The following GYPB variants were observed in gnomAD, a reference collection of about 807,000 sequenced individuals.
The protein encoded by GYPB is glycophorin-B.
Under a neutral mutation model 15.3 loss-of-function variants are expected in GYPB, and 13 were observed. The observed-to-expected ratio is 0.85, with a 90% CI of 0.55 to 1.35. The LOEUF (loss-of-function observed/expected upper bound fraction) is 1.35. GYPB is among the 40% of genes most tolerant of loss of function. GYPB has a pLI of 0.00. For missense variants in GYPB, 131 were observed against 108.3 expected (o/e 1.21, Z -0.93); for synonymous variants, 38 against 36.9 (o/e 1.03, Z -0.11).
At chr4:144,016,473 A>C in intron 1 of GYPB, among the ~76,000 whole-genome samples, 1 of 140,324 alleles carries the variant, frequency 7.1e-6, no homozygotes, top group African/African-American at 2.8e-5. Context: ...CCCTCCCTTC[A>C]CCTCCTTCCT....
In GYPB at chr4:144,019,280, C is replaced by G; in HGVS notation, c.8G>C (p.Gly3Ala). ...CAATAGTAATACAAAGATTATTTTT[C>G]CATACATCCTGAGATCATGAGCTGG... Reference protein sequence around the residue: MYGKIIFVLLLSE... With the variant: MYAKIIFVLLLSE... Residue 3 changes from glycine to alanine, a missense_variant, in exon 1 of 5, where the codon GGA (glycine) becomes GCA (alanine). By Grantham distance (60) the Gly-to-Ala change is moderately conservative. Transcript: ENST00000502664. 6.2e-7 allele frequency: 1 copy of G among 1,611,512 alleles called. No homozygotes were observed.
intron 1 of GYPB, among the ~76,000 whole-genome samples, chr4:144,007,328 C>G: frequency 6.6e-6 from 1 of 151,936 alleles, no homozygotes; most frequent in Non-Finnish European, 1.5e-5. Context: ...GAGCCAGTTT[C>G]TGCTCATCTT....
chr4:144,018,562 G>A (rs1432782180), intron 1 of GYPB, among the ~76,000 whole-genome samples: 1 of 150,898 alleles, frequency 6.6e-6, no homozygotes, highest in Non-Finnish European at 1.5e-5. Flanking sequence ...CTCAGAAAGA[G>A]GCCAAAATCA....
intron 1 of GYPB, among the ~76,000 whole-genome samples, chr4:144,007,237 T>A (rs1357358228): frequency 6.6e-6 from 1 of 151,380 alleles, no homozygotes; most frequent in Non-Finnish European, 1.5e-5. Context: ...TACTTTTTAT[T>A]TGAACTCTTC....
At chr4:144,015,768 G>T (rs867020387) in intron 1 of GYPB, among the ~76,000 whole-genome samples, 5 of 151,242 alleles carry the variant, frequency 3.3e-5, no homozygotes, top group Non-Finnish European at 5.9e-5. Context: ...TTACAGGTTT[G>T]GCAGCTAGTC....
intron 3 of GYPB, among the ~76,000 whole-genome samples, chr4:143,998,516 C>T (rs1023468224): frequency 1.4e-5 from 2 of 147,924 alleles, no homozygotes; most frequent in African/African-American, 2.6e-5. Context: ...CTATGATGTG[C>T]TTTTTACCCT....
chr4:144,002,716 G>A (rs953813896), intron 1 of GYPB: 2 of 1,284,626 alleles, frequency 1.6e-6, no homozygotes, highest in Non-Finnish European at 2.0e-6. Flanking sequence ...ACAAATAACA[G>A]AAAACATCTT....
At chr4:144,012,403 C>A (rs1728259995) in intron 1 of GYPB, 1 of 151,452 alleles carries the variant, frequency 6.6e-6, no homozygotes, top group Non-Finnish European at 1.5e-5. Flanking sequence ...ATGGATTAGT[C>A]TCTACCTTAT....
chr4:144,010,962 G>A (rs561821373), intron 1 of GYPB, among the ~76,000 whole-genome samples: 6 of 151,422 alleles, frequency 4.0e-5, no homozygotes, highest in African/African-American at 1.5e-4. Flanking sequence ...CAGAAACAAG[G>A]AATCATATAA....
At chr4:144,009,345 A>G (rs1560711997) in intron 1 of GYPB, among the ~76,000 whole-genome samples, 1 of 151,210 alleles carries the variant, frequency 6.6e-6, no homozygotes, top group African/African-American at 2.5e-5. Flanking sequence ...CCTTAGCACA[A>G]GTATTAGTAA....
intron 1 of GYPB, among the ~76,000 whole-genome samples, chr4:144,010,469 TA>T (rs1181885842): frequency 6.6e-6 from 1 of 150,746 alleles, no homozygotes; most frequent in East Asian, 1.9e-4. Flanking sequence ...ATCTTGTCTC[TA>T]AAAAAAATTA....
chr4:143,996,875 G>A (rs1248006648), intron 4 of GYPB, among the ~76,000 whole-genome samples: 2 of 79,508 alleles, frequency 2.5e-5, no homozygotes, highest in Admixed American at 2.3e-4. Flanking sequence ...TGAGAATTAA[G>A]AAAGGCAAAA....
intron 1 of GYPB, among the ~76,000 whole-genome samples, chr4:144,002,957 C>T (rs1806700): frequency 0.97 from 146,604 of 151,020 alleles, 71,572 homozygotes; most frequent in East Asian, 1. Context: ...ATGAATTCTC[C>T]AAATAGCATG....
intron 1 of GYPB, among the ~76,000 whole-genome samples, chr4:144,003,871 G>C (rs1157869172): frequency 2.7e-5 from 4 of 150,878 alleles, no homozygotes; most frequent in East Asian, 2.0e-4. Flanking sequence ...TGTGTCCTAA[G>C]TTAGACCATA....
chr4:144,000,016 A>T (rs1047613209), intron 2 of GYPB: 8 of 186,676 alleles, frequency 4.3e-5, no homozygotes, highest in African/African-American at 1.9e-4. Flanking sequence ...CTTCCCTCTC[A>T]GTCCACATCC....
intron 3 of GYPB, 41 bp downstream of exon 3, chr4:143,999,370 A>G: frequency 8.7e-7 from 1 of 1,153,806 alleles, no homozygotes; most frequent in Non-Finnish European, 1.3e-6. Context: ...TGGATAGTTT[A>G]AAATGGAATG....
chr4:144,013,173 C>T (rs1408356117), intron 1 of GYPB, among the ~76,000 whole-genome samples: 1 of 151,280 alleles, frequency 6.6e-6, no homozygotes, highest in Non-Finnish European at 1.5e-5. Context: ...AAAAAATGCT[C>T]ATCATCACTG....
chr4:143,995,240 T>G (rs1191742576), downstream of GYPB, among the ~76,000 whole-genome samples: 1 of 151,408 alleles, frequency 6.6e-6, no homozygotes, highest in Non-Finnish European at 1.5e-5. Flanking sequence ...ACTTTAGAAT[T>G]TATACATTCA....
intron 1 of GYPB, among the ~76,000 whole-genome samples, chr4:144,015,639 G>A (rs549058398): frequency 4.0e-5 from 6 of 151,416 alleles, no homozygotes; most frequent in Admixed American, 1.3e-4. Flanking sequence ...AAATCACTAC[G>A]AAGTAAGTTT....
Sources: allele counts gnomAD v4.1 joint callset (sites outside exome capture counted in the v4.1 genomes callset), GRCh38; gene constraint gnomAD v4.1.1; transcripts MANE v1.5; gene names NCBI Gene and HGNC (gene_info 2026-07-23, HGNC 2026-07-21).